VANGL1: variants seen among roughly 807,000 people sequenced by gnomAD.
VANGL1 encodes vang-like protein 1.
In VANGL1, 18 loss-of-function variants were observed where a neutral mutation model predicts 48.4. The observed-to-expected ratio is 0.37, with a 90% CI of 0.26 to 0.55. VANGL1 has a LOEUF of 0.55. Ranked by LOEUF, VANGL1 falls within the 20% of genes least tolerant of loss-of-function variation. The pLI, the probability that VANGL1 is intolerant of heterozygous loss-of-function variation, is 0.81. For missense variants in VANGL1, 667 were observed against 675.8 expected, an observed-to-expected ratio of 0.99 and a Z score of 0.14; for synonymous variants, 257 against 261.8, an observed-to-expected ratio of 0.98 and a Z score of 0.18.
At chr1:115,655,051 G>GC (rs1207300626) in intron 2 of VANGL1, among the ~76,000 whole-genome samples, 4 of 152,198 alleles carry the variant, frequency 2.6e-5, no homozygotes, top group South Asian at 2.1e-4. Context: ...AAAGAGGGCC[G>GC]CCGGGGCAGT....
chr1:115,642,273 G>C (rs1050674723), intron 1 of VANGL1, among the ~76,000 whole-genome samples, 187 bp downstream of exon 1: 1 of 151,876 alleles, frequency 6.6e-6, no homozygotes, highest in African/African-American at 2.4e-5. Flanking sequence ...CCTCCGGAGC[G>C]CTCCGGGTAG....
chr1:115,688,756 G>C (rs182235527), intron 7 of VANGL1, among the ~76,000 whole-genome samples: 2,604 of 134,304 alleles, frequency 0.019, 507 homozygotes, highest in South Asian at 0.037. Flanking sequence ...ATAGGAGGAA[G>C]TTAGTTTTTA....
chr1:115,686,246 G>T (rs1487038995), intron 7 of VANGL1, among the ~76,000 whole-genome samples: 1 of 151,764 alleles, frequency 6.6e-6, no homozygotes. Context: ...ATATGATGAG[G>T]ATGGACTAAA....
chr1:115,652,076 A>G (rs1199059213), intron 2 of VANGL1, among the ~76,000 whole-genome samples: 6 of 152,296 alleles, frequency 3.9e-5, no homozygotes, highest in African/African-American at 1.2e-4. Context: ...AAGATTTAAA[A>G]AGTGTTCATT....
chr1:115,679,404 C>T (rs1344078025), intron 4 of VANGL1, among the ~76,000 whole-genome samples: 1 of 152,234 alleles, frequency 6.6e-6, no homozygotes, highest in Non-Finnish European at 1.5e-5. Context: ...CTGGGCACTT[C>T]CTGGGACGCC....
rs1221740245 is a variant in VANGL1, at chr1:115,685,545, G to T, written c.1314+18G>T. 1 of 1,612,586 alleles carries T rather than the reference G, an allele frequency of 6.2e-7. No homozygotes were observed. Among genetic ancestry groups the T allele is most frequent in the Non-Finnish European group, 8.5e-7 (1 of 1,179,270 alleles). On this transcript the variant is annotated intron_variant, in intron 7 of 7. Coordinates refer to ENST00000355485, the MANE Select transcript of VANGL1 (RefSeq NM_138959.3). ...CCCCCAAGGTGCGCTGCTCCGGGCG[G>T]GCTCTGCCACCGTCATCCTGGCTTG...
At chr1:115,651,551 C>T in intron 2 of VANGL1, 67 bp downstream of exon 2, 9 of 1,421,002 alleles carry the variant, frequency 6.3e-6, no homozygotes, top group Non-Finnish European at 8.9e-6. Context: ...GGGTTCTCTA[C>T]ACTCACTTTT....
chr1:115,646,493 CTT>C (rs34575210), intron 1 of VANGL1, among the ~76,000 whole-genome samples: 33 of 128,636 alleles, frequency 2.6e-4, no homozygotes, highest in African/African-American at 4.4e-4. Flanking sequence ...AGTAGTATAG[CTT>C]TTTTTTTTTT....
At chr1:115,648,761 A>G (rs1652032247) in intron 1 of VANGL1, among the ~76,000 whole-genome samples, 1 of 152,236 alleles carries the variant, frequency 6.6e-6, no homozygotes, top group Non-Finnish European at 1.5e-5. Context: ...ACCAAGCTGG[A>G]TCTGCCCACA....
chr1:115,675,225 G>A (rs1417990135), intron 4 of VANGL1, among the ~76,000 whole-genome samples: 2 of 152,212 alleles, frequency 1.3e-5, no homozygotes, highest in Admixed American at 6.5e-5. Flanking sequence ...ATGGCTGCCA[G>A]GCGCAATGGC....
chr1:115,682,383 G>A lies in VANGL1; in HGVS notation c.832G>A (p.Val278Met), dbSNP rs776643968. 6.2e-7 allele frequency: 1 copy of A among 1,614,094 alleles called. No homozygotes were observed. The highest frequency in any genetic ancestry group is 2.2e-5 in the East Asian group (1 of 44,866). Residue 278 changes from valine (V) to methionine (M), a missense_variant, in exon 5 of 8, where the codon GTG becomes ATG. Val to Met is a conservative substitution (Grantham distance 21). Coordinates refer to ENST00000355485, the MANE Select transcript of VANGL1 (RefSeq NM_138959.3). ...TCTCAGTATCCAGCGAGCAGCATTG[G>A]TGGTCCTAGAAAATTACTACAAAGA... ...GHLSIQRAAL[V>M]VLENYYKDFT...
At chr1:115,662,791 T>TG (rs1203228787) in intron 3 of VANGL1, among the ~76,000 whole-genome samples, 2 of 151,426 alleles carry the variant, frequency 1.3e-5, no homozygotes, top group Non-Finnish European at 1.5e-5. Flanking sequence ...AGGAGATTTT[T>TG]TTTTTTTTTT....
rs74686764 is a variant in VANGL1, at chr1:115,680,948, A to C, written c.813-1416A>C. ...GAAAGGAAAATCCAAAGGGCAAGATAAAAATATATCTGTGGTATTTAACAT... is the reference window on the plus strand; with the variant it reads ...GAAAGGAAAATCCAAAGGGCAAGATCAAAATATATCTGTGGTATTTAACAT... On this transcript the variant is annotated intron_variant, in intron 4 of 7. Coordinates refer to ENST00000355485, the MANE Select transcript of VANGL1 (RefSeq NM_138959.3). Among the ~76,000 whole-genome samples the C allele has an allele frequency of 4.1e-4, 63 of 152,328 alleles. 3 individuals carry two copies. The East Asian group carries it at 0.012, about 29-fold the overall frequency.
At chr1:115,649,800 C>G (rs921114164) in intron 1 of VANGL1, among the ~76,000 whole-genome samples, 2 of 152,192 alleles carry the variant, frequency 1.3e-5, no homozygotes, top group Admixed American at 6.5e-5. Flanking sequence ...AGGTCGGTGG[C>G]TGGTTGGTTT....
At chr1:115,651,967 G>C (rs1483908363) in intron 2 of VANGL1, among the ~76,000 whole-genome samples, 1 of 152,128 alleles carries the variant, frequency 6.6e-6, no homozygotes, top group Non-Finnish European at 1.5e-5. Flanking sequence ...TTGTTGGCCA[G>C]GATGGTCTCG....
chr1:115,655,986 T>G (rs186371220), intron 2 of VANGL1, among the ~76,000 whole-genome samples: 119 of 152,328 alleles, frequency 7.8e-4, no homozygotes, highest in African/African-American at 2.6e-3. Flanking sequence ...GACCAGTGGA[T>G]TTCTGATAAA....
intron 2 of VANGL1, among the ~76,000 whole-genome samples, chr1:115,652,993 G>A (rs561643642): frequency 2.6e-5 from 4 of 152,322 alleles, no homozygotes; most frequent in East Asian, 3.9e-4. Context: ...GATGTTTGAT[G>A]ACTTGAGGAA....
chr1:115,649,295 C>T lies in VANGL1; in HGVS notation c.-137-1982C>T, dbSNP rs141589179. ...ATTTAATCTTTACAGCTACCTCCCC[C>T]CACAAACCCCCACCATAATAGGCTG... On this transcript the variant is annotated intron_variant, in intron 1 of 7. Transcript: ENST00000355485. Among the ~76,000 whole-genome samples the T allele has an allele frequency of 2.0e-5, 3 of 152,278 alleles. No homozygotes were observed. In the East Asian group the frequency reaches 5.8e-4, roughly 29 times the overall value.
chr1:115,660,881 C>G (rs1652521081), intron 3 of VANGL1, among the ~76,000 whole-genome samples: 3 of 152,172 alleles, frequency 2.0e-5, no homozygotes, highest in Admixed American at 1.3e-4. Context: ...GCCTTTAGTG[C>G]TGCCTGCCTT....
Sources: allele counts gnomAD v4.1 joint callset (sites outside exome capture counted in the v4.1 genomes callset), GRCh38; gene constraint gnomAD v4.1.1; transcripts MANE v1.5; gene names NCBI Gene and HGNC (gene_info 2026-07-23, HGNC 2026-07-21).